Variants in PKNOX2 observed in about 807,000 individuals in gnomAD.
The protein encoded by PKNOX2 is homeobox protein PKNOX2.
In PKNOX2, 14 loss-of-function variants were observed where a neutral mutation model predicts 53.1. That is an observed-to-expected ratio of 0.26 (90% CI 0.17 to 0.41). The LOEUF is 0.41. Ranked by LOEUF, PKNOX2 falls within the 10% of genes least tolerant of loss-of-function variation. The pLI, the probability that PKNOX2 is intolerant of heterozygous loss-of-function variation, is 1.00. For synonymous variants in PKNOX2, 257 were observed against 242.8 expected (o/e 1.06, Z -0.54); for missense variants, 496 against 602.8 (o/e 0.82, Z 1.85).
At chr11:125,347,875 C>T (rs938571794) in intron 3 of PKNOX2, among the ~76,000 whole-genome samples, 2 of 152,226 alleles carry the variant, frequency 1.3e-5, no homozygotes, top group Non-Finnish European at 2.9e-5. Flanking sequence ...GGAAATCTCT[C>T]CATGGGAGAT....
chr11:125,394,704 G>A (rs1565515174), intron 6 of PKNOX2, among the ~76,000 whole-genome samples: 1 of 152,200 alleles, frequency 6.6e-6, no homozygotes, highest in African/African-American at 2.4e-5. Flanking sequence ...CCAGGAGCTA[G>A]CCAAAAGCTA....
chr11:125,273,376 G>A (rs1945944560), intron 2 of PKNOX2, among the ~76,000 whole-genome samples: 1 of 152,188 alleles, frequency 6.6e-6, no homozygotes, highest in African/African-American at 2.4e-5. Context: ...ATGGGCAGAT[G>A]GGAGAAGGAG....
At chr11:125,248,906 GTA>G (rs67574170) in intron 2 of PKNOX2, among the ~76,000 whole-genome samples, 33,356 of 126,148 alleles carry the variant, frequency 0.26, 4,981 homozygotes, top group Non-Finnish European at 0.36. Flanking sequence ...TATATATAAC[GTA>G]TATATATAAC....
At chr11:125,346,487 T>G (rs1267989579) in intron 3 of PKNOX2, among the ~76,000 whole-genome samples, 1 of 152,202 alleles carries the variant, frequency 6.6e-6, no homozygotes, top group Non-Finnish European at 1.5e-5. Flanking sequence ...TTCTACTGGA[T>G]GTGGAATCCA....
At chr11:125,242,675 G>A (rs1271942971) in intron 2 of PKNOX2, among the ~76,000 whole-genome samples, 1 of 152,178 alleles carries the variant, frequency 6.6e-6, no homozygotes, top group Admixed American at 6.5e-5. Context: ...GGGGGAGGGC[G>A]GGTTGTGTGT....
intron 1 of PKNOX2, among the ~76,000 whole-genome samples, chr11:125,193,025 C>T (rs1037524826): frequency 6.6e-6 from 1 of 152,234 alleles, no homozygotes; most frequent in Non-Finnish European, 1.5e-5. Context: ...CCCTCAGGGT[C>T]ACTTCTGTCA....
chr11:125,391,042 T>C (rs921352121), intron 6 of PKNOX2, among the ~76,000 whole-genome samples: 4 of 152,206 alleles, frequency 2.6e-5, no homozygotes, highest in Admixed American at 6.5e-5. Context: ...GGAAATATCA[T>C]AGCACGTTAA....
At chr11:125,235,455 G>C (rs1015537789) in intron 2 of PKNOX2, among the ~76,000 whole-genome samples, 1 of 152,228 alleles carries the variant, frequency 6.6e-6, no homozygotes, top group Non-Finnish European at 1.5e-5. Context: ...AGCCTGGAAG[G>C]CAATGAGAGG....
intron 2 of PKNOX2, among the ~76,000 whole-genome samples, chr11:125,308,573 C>T (rs1181124468): frequency 1.3e-5 from 2 of 152,202 alleles, no homozygotes; most frequent in African/African-American, 4.8e-5. Context: ...GCGACCTCCA[C>T]AATGTGTTCA....
At chr11:125,310,525 T>C (rs1948740624) in intron 2 of PKNOX2, among the ~76,000 whole-genome samples, 1 of 151,596 alleles carries the variant, frequency 6.6e-6, no homozygotes, top group Non-Finnish European at 1.5e-5. Flanking sequence ...TAATAATATA[T>C]AAATAAATAA....
chr11:125,254,988 C>T (rs555373373), intron 2 of PKNOX2, among the ~76,000 whole-genome samples: 1 of 152,244 alleles, frequency 6.6e-6, no homozygotes, highest in South Asian at 2.1e-4. Flanking sequence ...ACCACACACC[C>T]GGCATTGTGC....
intron 5 of PKNOX2, among the ~76,000 whole-genome samples, chr11:125,375,012 C>T (rs1160148789): frequency 7.9e-5 from 12 of 152,136 alleles, no homozygotes; most frequent in Non-Finnish European, 1.8e-4. Flanking sequence ...GGCTTCTCAC[C>T]GGGCCTGAGC....
chr11:125,398,126 C>T (rs1365477940), intron 7 of PKNOX2, 64 bp downstream of exon 7: 14 of 1,499,936 alleles, frequency 9.3e-6, no homozygotes, highest in South Asian at 6.6e-5. Flanking sequence ...TGGAGCCACG[C>T]GTGGAGGAAG....
intron 1 of PKNOX2, among the ~76,000 whole-genome samples, chr11:125,204,686 C>A (rs1000914954): frequency 2.0e-5 from 3 of 152,182 alleles, no homozygotes; most frequent in Non-Finnish European, 2.9e-5. Context: ...TGGCCACATT[C>A]CCGGTCAGAG....
chr11:125,413,834 G>C (rs1031653918), intron 10 of PKNOX2, among the ~76,000 whole-genome samples: 1 of 152,146 alleles, frequency 6.6e-6, no homozygotes, highest in Admixed American at 6.5e-5. Flanking sequence ...TCTGAAGGGG[G>C]AGAAAGGCAA....
intron 2 of PKNOX2, among the ~76,000 whole-genome samples, chr11:125,264,586 G>A (rs986246202): frequency 2.0e-5 from 3 of 152,088 alleles, no homozygotes; most frequent in Non-Finnish European, 2.9e-5. Flanking sequence ...GGGGTGGCGG[G>A]GCCGGGGGGC....
At chr11:125,246,067 T>A (rs1943539708) in intron 2 of PKNOX2, among the ~76,000 whole-genome samples, 1 of 152,180 alleles carries the variant, frequency 6.6e-6, no homozygotes, top group African/African-American at 2.4e-5. Flanking sequence ...CCTAGAGATG[T>A]CCAGGGAACA....
rs532783946 is a variant in PKNOX2 at position 125,394,232 on chromosome 11, T to C, written c.400-3642T>C. On this transcript the variant is annotated intron_variant, in intron 6 of 12. Coordinates refer to ENST00000298282, the MANE Select transcript of PKNOX2 (RefSeq NM_001382323.2). ...CAAGATGTTCGTGGCCAAAGTCAAG[T>C]AGAACATTAGGCAAGAACAAATCTT... Among the ~76,000 whole-genome samples the C allele has an allele frequency of 2.0e-5, 3 of 152,330 alleles. No individual in the cohort carries two copies. In the East Asian group the frequency reaches 5.8e-4, roughly 29 times the overall value.
At chr11:125,246,344 C>T (rs1237226292) in intron 2 of PKNOX2, among the ~76,000 whole-genome samples, 3 of 152,186 alleles carry the variant, frequency 2.0e-5, no homozygotes, top group Non-Finnish European at 2.9e-5. Flanking sequence ...AACCCACTCC[C>T]GTGATAAAGG....
Sources: gnomAD v4.1 joint callset for allele counts (sites outside exome capture counted in the v4.1 genomes callset) on GRCh38, gnomAD v4.1.1 for gene constraint, MANE v1.5 for transcripts, NCBI Gene and HGNC (gene_info 2026-07-23, HGNC 2026-07-21) for gene names.